MYO18A: variants seen among roughly 807,000 people sequenced by gnomAD.
MYO18A encodes the protein unconventional myosin-XVIIIa.
Under a neutral mutation model 235.8 loss-of-function variants are expected in MYO18A, and 78 were observed. The observed-to-expected ratio is 0.33, with a 90% CI of 0.28 to 0.40. The LOEUF is 0.40. Among genes scored for constraint, MYO18A ranks in the 10% least tolerant of loss-of-function variants. MYO18A has a pLI of 1.00. For missense variants in MYO18A, 2,215 were observed against 2,699.3 expected (o/e 0.82, Z 3.98); for synonymous variants, 977 against 1,077.8 (o/e 0.91, Z 1.83).
At chr17:29,112,693 G>A (rs2066960919) in intron 15 of MYO18A, among the ~76,000 whole-genome samples, 1 of 152,246 alleles carries the variant, frequency 6.6e-6, no homozygotes, top group Admixed American at 6.5e-5. Context: ...GGGCAGGAAG[G>A]ATGGAACCTT....
rs1367931688 is a variant in MYO18A at position 29,093,990 on chromosome 17, C to T, written c.4811G>A (p.Cys1604Tyr). ...DEEVEEARQS[C>Y]QKKLKQMEVQ... Reference sequence around the variant, plus strand: ...ACTCAGATACCTTACCTTCTTCTGACACGACTGCCGGGCCTCCTCCACCTC... The same window carrying T: ...ACTCAGATACCTTACCTTCTTCTGATACGACTGCCGGGCCTCCTCCACCTC... The change falls in exon 31 of 42, where the codon TGT becomes TAT. Residue 1604 changes from cysteine (C) to tyrosine (Y), a missense_variant. Physicochemically the swap from Cys to Tyr is radical, Grantham distance 194 (BLOSUM62 -2). Transcript: ENST00000527372. The T allele has an allele frequency of 1.2e-6, 2 of 1,608,078 alleles. No homozygotes were observed. The highest frequency in any genetic ancestry group is 1.7e-6 in the Non-Finnish European group (2 of 1,177,430).
chr17:29,093,478 G>A lies in MYO18A; in HGVS notation c.4822-51C>T, dbSNP rs112942141. The stretch of plus-strand genomic sequence containing the variant: ...CGTCCGTCCCTTTAGTGCCTGGTGC[G>A]AAGCAGGCCCCTTCCATTCTGGGTT... On this transcript the variant is annotated intron_variant, in intron 31 of 41. Coordinates refer to ENST00000527372, the MANE Select transcript of MYO18A (RefSeq NM_078471.4). The A allele has an allele frequency of 1.2e-4, 165 of 1,413,434 alleles. No individual in the cohort carries two copies. In the Middle Eastern group the frequency reaches 4.0e-3, roughly 35 times the overall value. 87.6% of individuals were successfully genotyped at this position (1,413,434 alleles called of 1,614,324 possible). A position where few individuals can be genotyped will look rare whatever the true frequency, so the allele number is the denominator to read the frequency against.
At chr17:29,163,258 C>T (rs539540867) in intron 2 of MYO18A, among the ~76,000 whole-genome samples, 9 of 152,138 alleles carry the variant, frequency 5.9e-5, no homozygotes, top group Non-Finnish European at 1.3e-4. Context: ...GAGATACAGG[C>T]TGAGGGTACA....
At chr17:29,148,582 T>G (rs986483726) in intron 2 of MYO18A, among the ~76,000 whole-genome samples, 1 of 148,758 alleles carries the variant, frequency 6.7e-6, no homozygotes. Flanking sequence ...CTTTATTCTT[T>G]TGTGTGTGTG....
At chr17:29,154,622 G>A (rs900466872) in intron 2 of MYO18A, among the ~76,000 whole-genome samples, 10 of 152,334 alleles carry the variant, frequency 6.6e-5, no homozygotes, top group Non-Finnish European at 1.3e-4. Context: ...ATGGCCAAGT[G>A]AGTGGGGACT....
Position 29,074,413 on chromosome 17 carries a change from G to T in MYO18A, c.*357C>A. 1.7e-6 allele frequency: 1 copy of T among 604,362 alleles called. No homozygotes were observed. Among genetic ancestry groups the T allele is most frequent in the Non-Finnish European group, 3.0e-6 (1 of 337,266 alleles). The allele number at this position is 604,362 out of a possible 1,614,324, so 37.4% of individuals were successfully genotyped here. A position where few individuals can be genotyped will look rare whatever the true frequency, so the allele number is the denominator to read the frequency against. Reference sequence around the variant, plus strand: ...CCAGCAACCTAGAGTGTCCCAGTAGGCAACCTGTCCACCGTCCCTGAGCAG... The same window carrying T: ...CCAGCAACCTAGAGTGTCCCAGTAGTCAACCTGTCCACCGTCCCTGAGCAG... On this transcript the variant is annotated 3_prime_UTR_variant, in exon 42 of 42. Coordinates refer to ENST00000527372, the MANE Select transcript of MYO18A (RefSeq NM_078471.4). This position sits in a 1 kb window ranked among gnomAD's most constrained non-coding sequence, Gnocchi z 4.4.
intron 2 of MYO18A, among the ~76,000 whole-genome samples, chr17:29,144,370 C>T (rs1182317807): frequency 1.3e-5 from 2 of 152,192 alleles, no homozygotes; most frequent in East Asian, 1.9e-4. Context: ...CCATTCCTTA[C>T]GAATGTGTCT....
Position 29,166,052 on chromosome 17 carries a change from G to C in MYO18A, c.889C>G (p.Arg297Gly). The C allele has an allele frequency of 6.2e-7, 1 of 1,613,710 alleles. No homozygotes were observed. The highest frequency in any genetic ancestry group is 1.3e-5 in the African/African-American group (1 of 75,054). Reference protein sequence around the residue: ...KSRDEIVEMIRQSGDSVRLKV... With the variant: ...KSRDEIVEMIGQSGDSVRLKV... The stretch of plus-strand genomic sequence containing the variant: ...AGCCGCACGCTGTCCCCTGACTGCC[G>C]GATCATCTCCACAATCTCATCCCTG... The change falls in exon 2 of 42, where the codon CGG (arginine) becomes GGG (glycine). Residue 297 changes from arginine to glycine, a missense_variant. Coordinates refer to ENST00000527372, the MANE Select transcript of MYO18A (RefSeq NM_078471.4).
At chr17:29,105,725 T>A (rs927482525) in intron 20 of MYO18A, among the ~76,000 whole-genome samples, 1 of 151,950 alleles carries the variant, frequency 6.6e-6, no homozygotes, top group Non-Finnish European at 1.5e-5. Context: ...GAGAATGCAA[T>A]AGCAGACAGG....
In MYO18A at chr17:29,107,420, A is replaced by C. The variant is rs1468894510; in HGVS notation, c.3332-231T>G. 4.1e-5 allele frequency: 21 copies of C among 515,198 alleles called. No homozygotes were observed. The South Asian group carries it at 4.4e-4, about 11-fold the overall frequency. 31.9% of individuals were successfully genotyped at this position (515,198 alleles called of 1,614,324 possible). On this transcript the variant is annotated intron_variant, in intron 19 of 41. Transcript: ENST00000527372. ...GCTCCACAGGGGGATAGGAAGGCCC[A>C]AAAAAGGAACAGCCTCCTTCAGAGA...
At chr17:29,171,675 G>A (rs1345068770) in intron 1 of MYO18A, among the ~76,000 whole-genome samples, 3 of 151,232 alleles carry the variant, frequency 2.0e-5, no homozygotes, top group East Asian at 2.0e-4. Context: ...CGGGCAGATC[G>A]CTTGAGCTCA....
Position 29,125,995 on chromosome 17 carries a change from GC to G in MYO18A, c.1000-3743del. 1.0e-6 allele frequency: 1 copy of G among 982,942 alleles called. No homozygotes were observed. The highest frequency in any genetic ancestry group is 1.2e-6 in the Non-Finnish European group (1 of 827,218). 60.9% of individuals were successfully genotyped at this position (982,942 alleles called of 1,614,324 possible). A position where few individuals can be genotyped will look rare whatever the true frequency, so the allele number is the denominator to read the frequency against. ...AAAGGTTAAACCACTATTAGTCCCA[GC>G]CCAGAAATGGAGAGGCCACAGCATG... On this transcript the variant is annotated intron_variant, in intron 2 of 41. Coordinates refer to ENST00000527372, the MANE Select transcript of MYO18A (RefSeq NM_078471.4). The surrounding 1 kb of genome is among the most constrained non-coding windows in gnomAD (Gnocchi z 5.1).
chr17:29,081,081 G>T, intron 41 of MYO18A: 1 of 812,586 alleles, frequency 1.2e-6, no homozygotes, highest in Non-Finnish European at 1.5e-6. Flanking sequence ...TTGAGAGAGA[G>T]AGAGGAACAA....
intron 2 of MYO18A, among the ~76,000 whole-genome samples, chr17:29,133,058 C>T (rs2067510734): frequency 6.6e-6 from 1 of 152,240 alleles, no homozygotes; most frequent in Non-Finnish European, 1.5e-5. Context: ...GCCCAGATTC[C>T]AAGTCCACTC....
chr17:29,112,046 A>G (rs2066942998), intron 15 of MYO18A, among the ~76,000 whole-genome samples, 183 bp from the exon 16 acceptor site: 1 of 152,194 alleles, frequency 6.6e-6, no homozygotes, highest in African/African-American at 2.4e-5. Context: ...GCCCGGGGAA[A>G]GGGGAGCCAA....
At chr17:29,083,902 G>A (rs1036660323) in intron 40 of MYO18A, among the ~76,000 whole-genome samples, 1 of 152,224 alleles carries the variant, frequency 6.6e-6, no homozygotes, top group Non-Finnish European at 1.5e-5. Flanking sequence ...AGGAGGTGCT[G>A]TATGCATCGC....
intron 37 of MYO18A, among the ~76,000 whole-genome samples, chr17:29,089,419 CA>C (rs56389977): frequency 0.021 from 508 of 23,768 alleles, 1 homozygote; most frequent in African/African-American, 0.074. Flanking sequence ...GACTCTGTCT[CA>C]AAAAAAAAAA....
At chr17:29,150,534 G>T (rs1440693515) in intron 2 of MYO18A, among the ~76,000 whole-genome samples, 1 of 152,240 alleles carries the variant, frequency 6.6e-6, no homozygotes, top group African/African-American at 2.4e-5. Flanking sequence ...AAGGGGAAAT[G>T]CCACCATCCC....
intron 41 of MYO18A, chr17:29,080,601 G>A (rs1392683780): frequency 1.0e-6 from 1 of 985,666 alleles, no homozygotes; most frequent in Non-Finnish European, 1.2e-6. Flanking sequence ...CCGACAGCGA[G>A]AAACTCAGGG....
Sources: allele counts gnomAD v4.1 joint callset (sites outside exome capture counted in the v4.1 genomes callset), GRCh38; gene constraint gnomAD v4.1.1; non-coding constraint Gnocchi (gnomAD v3.1); transcripts MANE v1.5; gene names NCBI Gene and HGNC (gene_info 2026-07-23, HGNC 2026-07-21).